The following LRRK1 variants were observed in gnomAD, a reference collection of about 807,000 sequenced individuals.
LRRK1 encodes the protein leucine rich repeat kinase 1.
Under a neutral mutation model 209.1 loss-of-function variants are expected in LRRK1, and 113 were observed. That is an observed-to-expected ratio of 0.54 (90% CI 0.46 to 0.63). LRRK1 has a LOEUF of 0.63. Among genes scored for constraint, LRRK1 ranks in the 30% least tolerant of loss-of-function variants. The pLI, the probability that LRRK1 is intolerant of heterozygous loss-of-function variation, is 0.00. For missense variants in LRRK1, 2,284 were observed against 2,632.2 expected, an observed-to-expected ratio of 0.87 and a Z score of 2.89; for synonymous variants, 1,144 against 1,099.7, an observed-to-expected ratio of 1.04 and a Z score of -0.80.
intron 6 of LRRK1, among the ~76,000 whole-genome samples, chr15:100,992,415 C>T (rs942419086): frequency 2.6e-5 from 4 of 152,248 alleles, no homozygotes; most frequent in Non-Finnish European, 5.9e-5. Context: ...GTTGCATTGA[C>T]ATTTTTCTCA....
intron 2 of LRRK1, among the ~76,000 whole-genome samples, chr15:100,955,991 G>C (rs140849689): frequency 6.6e-6 from 1 of 152,202 alleles, no homozygotes; most frequent in African/African-American, 2.4e-5. Flanking sequence ...AGGAGGTATT[G>C]CTAATCTTGT....
intron 2 of LRRK1, among the ~76,000 whole-genome samples, chr15:100,926,363 C>T (rs8031953): frequency 6.6e-6 from 1 of 151,814 alleles, no homozygotes; most frequent in African/African-American, 2.4e-5. Context: ...TGCTCCTCTT[C>T]GCAGCCCTGA....
rs754659010 is a variant in LRRK1, at chr15:101,015,383, G to C, written c.1590G>C (p.Gln530His). ...RIAFFTTRGR[Q>H]RSGTEAASVL... ...CCTTTTTCACCACCAGAGGTCGCCAGCGCTCCGGGACTGAGGCAGGTGTGT... is the reference window on the plus strand; with the variant it reads ...CCTTTTTCACCACCAGAGGTCGCCACCGCTCCGGGACTGAGGCAGGTGTGT... The change falls in exon 12 of 34, where the codon CAG (glutamine) becomes CAC (histidine). Residue 530 changes from glutamine to histidine, a missense_variant. Gln to His is a conservative substitution (Grantham distance 24, BLOSUM62 0). Coordinates refer to ENST00000388948, the MANE Select transcript of LRRK1 (RefSeq NM_024652.6). 6.2e-7 allele frequency: 1 copy of C among 1,613,576 alleles called. No individual in the cohort carries two copies. Among genetic ancestry groups the C allele is most frequent in the African/African-American group, 1.3e-5 (1 of 74,928 alleles).
chr15:101,012,859 A>G (rs2033332611), intron 10 of LRRK1, among the ~76,000 whole-genome samples: 1 of 151,522 alleles, frequency 6.6e-6, no homozygotes. Flanking sequence ...CAGGGACAGG[A>G]CTCACGCTTC....
chr15:101,019,434 C>T (rs1596282244), intron 12 of LRRK1, among the ~76,000 whole-genome samples: 1 of 152,158 alleles, frequency 6.6e-6, no homozygotes, highest in South Asian at 2.1e-4. Flanking sequence ...TCATACAAAG[C>T]CATCTTTAGA....
At chr15:101,053,109 T>C (rs754081549) in intron 25 of LRRK1, 21 bp downstream of exon 25, 2 of 1,597,980 alleles carry the variant, frequency 1.3e-6, no homozygotes. Context: ...CCCAGGTTGG[T>C]GCTGTTTTTC....
In LRRK1 at chr15:101,022,094, T is replaced by A; in HGVS notation, c.1852+137T>A. The A allele has an allele frequency of 1.5e-6, 1 of 668,202 alleles. No individual in the cohort carries two copies. Among genetic ancestry groups the A allele is most frequent in the Non-Finnish European group, 2.5e-6 (1 of 393,308 alleles). The allele number at this position is 668,202 out of a possible 1,614,324, so 41.4% of individuals were successfully genotyped here. A position where few individuals can be genotyped will look rare whatever the true frequency, so the allele number is the denominator to read the frequency against. On this transcript the variant is annotated intron_variant, in intron 14 of 33. Coordinates refer to ENST00000388948, the MANE Select transcript of LRRK1 (RefSeq NM_024652.6). The surrounding 1 kb of genome is among the most constrained non-coding windows in gnomAD (Gnocchi z 4.0). ...AGGTTCCAGATTTGACAAGATGCTA[T>A]AAAATTGTCCCTAAAGCAATCGTTA... is the stretch of plus-strand genomic sequence containing the variant.
At chr15:101,033,836 C>A (rs139486711) in intron 20 of LRRK1, among the ~76,000 whole-genome samples, 2 of 152,144 alleles carry the variant, frequency 1.3e-5, no homozygotes, top group South Asian at 2.1e-4. Flanking sequence ...TTTGAGAAAT[C>A]GCCATACTAT....
intron 2 of LRRK1, among the ~76,000 whole-genome samples, chr15:100,955,116 A>G (rs767986396): frequency 9.2e-5 from 14 of 152,204 alleles, no homozygotes; most frequent in Non-Finnish European, 1.6e-4. Flanking sequence ...TTTTAACAGT[A>G]TTAATGCTTC....
At chr15:100,951,219 C>T (rs1046495129) in intron 2 of LRRK1, among the ~76,000 whole-genome samples, 2 of 152,128 alleles carry the variant, frequency 1.3e-5, no homozygotes, top group South Asian at 2.1e-4. Flanking sequence ...TATGGAAATG[C>T]GAAGCAAAAC....
At chr15:101,068,349 T>C (rs1363610875) in intron 33 of LRRK1, among the ~76,000 whole-genome samples, 1 of 152,164 alleles carries the variant, frequency 6.6e-6, no homozygotes, top group Non-Finnish European at 1.5e-5. Flanking sequence ...AGTGGTGTTT[T>C]CTGGACGCTT....
Position 100,941,426 on chromosome 15 carries a change from G to GCCTGTATCTGTGTGCGTCTGTGTC in LRRK1, c.97+16697_97+16698insCCTGTATCTGTGTGCGTCTGTGTC. Among the ~76,000 whole-genome samples the GCCTGTATCTGTGTGCGTCTGTGTC allele has an allele frequency of 8.7e-3, 140 of 16,098 alleles. 40 individuals carry two copies. The highest frequency in any genetic ancestry group is 0.019 in the African/African-American group (125 of 6,552). The allele number at this position is 16,098 out of a possible 152,430, so 10.6% of individuals were successfully genotyped here. A position where few individuals can be genotyped will look rare whatever the true frequency, so the allele number is the denominator to read the frequency against. ...TGTGTGTGTCTCTGTGTGTGTGTGT[G>GCCTGTATCTGTGTGCGTCTGTGTC]TCTGTGTGTGTGTGTGTGTCTGTGT... is the stretch of plus-strand genomic sequence containing the variant. On this transcript the variant is annotated intron_variant, in intron 2 of 33. Transcript: ENST00000388948.
chr15:100,974,125 CT>C, intron 3 of LRRK1, 158 bp downstream of exon 3: 1 of 559,944 alleles, frequency 1.8e-6, no homozygotes, highest in Non-Finnish European at 2.7e-6. Flanking sequence ...GGCGCCTTTC[CT>C]TTCCAACTGA....
intron 33 of LRRK1, among the ~76,000 whole-genome samples, chr15:101,067,683 G>A (rs1051364829): frequency 3.9e-5 from 6 of 152,330 alleles, no homozygotes; most frequent in Admixed American, 3.3e-4. Context: ...TCCTGGGCCA[G>A]TGACCCTTAC....
At chr15:100,951,000 G>T (rs929247725) in intron 2 of LRRK1, among the ~76,000 whole-genome samples, 1 of 152,230 alleles carries the variant, frequency 6.6e-6, no homozygotes, top group Non-Finnish European at 1.5e-5. Context: ...CTATTTGGGA[G>T]GCTGAGGCAG....
At chr15:101,011,153 T>C (rs2033218866) in intron 9 of LRRK1, among the ~76,000 whole-genome samples, 1 of 151,956 alleles carries the variant, frequency 6.6e-6, no homozygotes, top group African/African-American at 2.4e-5. Context: ...GTTCAGTTCT[T>C]TTAGGACAAC....
Position 101,074,274 on chromosome 15 carries a change from T to C in LRRK1, c.*5426T>C, listed in dbSNP as rs2036904929. On this transcript the variant is annotated 3_prime_UTR_variant, in exon 34 of 34. Transcript: ENST00000388948. ...TTCCTCAGCCTCCGCTCCTCCACCA[T>C]ATAATCTTTTTATCACCTCCCCTCC... 1 of 152,090 alleles carries C rather than the reference T, an allele frequency of 6.6e-6. No homozygotes were observed. Among genetic ancestry groups the C allele is most frequent in the African/African-American group, 2.4e-5 (1 of 41,412 alleles). The allele number at this position is 152,090 out of a possible 1,614,324, so 9.4% of individuals were successfully genotyped here.
At chr15:100,985,319 T>C (rs1186403025) in intron 4 of LRRK1, among the ~76,000 whole-genome samples, 1 of 152,084 alleles carries the variant, frequency 6.6e-6, no homozygotes, top group Non-Finnish European at 1.5e-5. Flanking sequence ...CCCTGAAGAG[T>C]CTGCACCAGC....
In LRRK1 at chr15:101,076,133, C is replaced by T. The variant is rs4513076; in HGVS notation, c.*7285C>T. On this transcript the variant is annotated 3_prime_UTR_variant, in exon 34 of 34. Coordinates refer to ENST00000388948, the MANE Select transcript of LRRK1 (RefSeq NM_024652.6). ...AGAGCCAGGACCGCACCCTGTAGAC[C>T]TTCTGTCCAAACAACTTGACCTTAC... 12,458 of 152,136 alleles carry T rather than the reference C, an allele frequency of 0.082. 1,689 individuals are homozygous for T. The highest frequency in any genetic ancestry group is 0.28 in the African/African-American group (11,668 of 41,434). The allele number at this position is 152,136 out of a possible 1,614,324, so 9.4% of individuals were successfully genotyped here.
Sources: gnomAD v4.1 joint callset for allele counts (sites outside exome capture counted in the v4.1 genomes callset) on GRCh38, gnomAD v4.1.1 for gene constraint, Gnocchi (gnomAD v3.1) non-coding constraint, MANE v1.5 for transcripts, NCBI Gene and HGNC (gene_info 2026-07-23, HGNC 2026-07-21) for gene names.